Variants in PPARGC1A observed in about 807,000 individuals in gnomAD.
The protein encoded by PPARGC1A is peroxisome proliferator-activated receptor gamma coactivator 1-alpha.
Under a neutral mutation model 88.7 loss-of-function variants are expected in PPARGC1A, and 25 were observed. The observed-to-expected ratio is 0.28, with a 90% CI of 0.21 to 0.39. The LOEUF (loss-of-function observed/expected upper bound fraction) is 0.39. Ranked by LOEUF, PPARGC1A falls within the 10% of genes least tolerant of loss-of-function variation. The pLI is 1.00. For synonymous variants in PPARGC1A, 363 were observed against 355.6 expected (o/e 1.02, Z -0.24); for missense variants, 880 against 968.7 (o/e 0.91, Z 1.22).
chr4:23,899,884 C>A (rs1265395163), upstream of PPARGC1A, among the ~76,000 whole-genome samples: 1 of 152,112 alleles, frequency 6.6e-6, no homozygotes, highest in Non-Finnish European at 1.5e-5. Context: ...TGACAATTCA[C>A]TGAGCTAAAC....
the PPARGC1A span, among the ~76,000 whole-genome samples, chr4:24,097,133 G>T: frequency 6.6e-6 from 1 of 152,250 alleles, no homozygotes; most frequent in African/African-American, 2.4e-5. Context: ...AGACCGCATT[G>T]TAAGAATCGA....
At chr4:24,201,516 T>C in the PPARGC1A span, among the ~76,000 whole-genome samples, 1 of 152,246 alleles carries the variant, frequency 6.6e-6, no homozygotes, top group Non-Finnish European at 1.5e-5. Flanking sequence ...CAGCCAAGTT[T>C]GTCTTATGTT....
the PPARGC1A span, among the ~76,000 whole-genome samples, chr4:24,001,928 A>G: frequency 1.3e-5 from 2 of 152,146 alleles, no homozygotes; most frequent in South Asian, 2.1e-4. Flanking sequence ...AGTAAGAGAT[A>G]TAATCGGCCA....
the PPARGC1A span, among the ~76,000 whole-genome samples, chr4:24,110,433 G>T: frequency 6.6e-6 from 1 of 152,128 alleles, no homozygotes; most frequent in Non-Finnish European, 1.5e-5. Flanking sequence ...TTAATTTAGT[G>T]CTGTGGGACT....
chr4:23,879,798 A>G (rs576787267), intron 2 of PPARGC1A, among the ~76,000 whole-genome samples: 7 of 152,288 alleles, frequency 4.6e-5, no homozygotes, highest in African/African-American at 1.7e-4. Flanking sequence ...AAAATCTTCA[A>G]TGACATCCTA....
chr4:24,065,303 A>T, the PPARGC1A span, among the ~76,000 whole-genome samples: 1 of 152,106 alleles, frequency 6.6e-6, no homozygotes, highest in Non-Finnish European at 1.5e-5. Context: ...TGCAGGCATT[A>T]GCGGGTCCCT....
At chr4:24,335,854 G>A in the PPARGC1A span, among the ~76,000 whole-genome samples, 1 of 152,054 alleles carries the variant, frequency 6.6e-6, no homozygotes, top group African/African-American at 2.4e-5. Flanking sequence ...AGGCGGATAT[G>A]CCCATTTATT....
chr4:24,020,264 A>G, the PPARGC1A span, among the ~76,000 whole-genome samples: 1 of 152,204 alleles, frequency 6.6e-6, no homozygotes, highest in Non-Finnish European at 1.5e-5. Context: ...TTTCCTAAAT[A>G]ATCCTGTCAA....
the PPARGC1A span, among the ~76,000 whole-genome samples, chr4:23,913,541 G>A: frequency 6.6e-6 from 1 of 151,900 alleles, no homozygotes; most frequent in Non-Finnish European, 1.5e-5. Context: ...AACTTTCAAT[G>A]TGATTTCAAA....
At chr4:24,129,896 G>A in the PPARGC1A span, among the ~76,000 whole-genome samples, 1 of 151,796 alleles carries the variant, frequency 6.6e-6, no homozygotes, top group East Asian at 1.9e-4. Context: ...TATCGCCAAG[G>A]ACAAAAAAAC....
intron 2 of PPARGC1A, among the ~76,000 whole-genome samples, chr4:23,879,203 T>A (rs1294311815): frequency 6.6e-6 from 1 of 152,178 alleles, no homozygotes; most frequent in East Asian, 1.9e-4. Context: ...TTTTTTCTTG[T>A]CTATTTGTTT....
chr4:23,818,428 C>A (rs1231417449), intron 7 of PPARGC1A, among the ~76,000 whole-genome samples: 1 of 152,106 alleles, frequency 6.6e-6, no homozygotes, highest in Non-Finnish European at 1.5e-5. Flanking sequence ...CTGTGCAGAG[C>A]AACAAATGGC....
the PPARGC1A span, among the ~76,000 whole-genome samples, chr4:24,159,928 G>C: frequency 1.3e-5 from 2 of 152,210 alleles, no homozygotes; most frequent in African/African-American, 4.8e-5. Context: ...ACTCCCTGAT[G>C]AGCAAGAGAG....
At chr4:24,171,507 T>C in the PPARGC1A span, among the ~76,000 whole-genome samples, 3 of 152,126 alleles carry the variant, frequency 2.0e-5, no homozygotes, top group African/African-American at 7.2e-5. Flanking sequence ...ACGTACTATA[T>C]ATGGTCCTGA....
chr4:23,988,360 A>T, the PPARGC1A span, among the ~76,000 whole-genome samples: 1 of 152,222 alleles, frequency 6.6e-6, no homozygotes, highest in Non-Finnish European at 1.5e-5. Flanking sequence ...AGGAATCACC[A>T]CACTGTCTTC....
chr4:23,967,965 G>A, the PPARGC1A span, among the ~76,000 whole-genome samples: 2 of 152,296 alleles, frequency 1.3e-5, no homozygotes, highest in Non-Finnish European at 2.9e-5. Context: ...GAGTCCAAGA[G>A]GTGAAGGGAG....
the PPARGC1A span, among the ~76,000 whole-genome samples, chr4:23,973,117 C>T: frequency 1.3e-5 from 2 of 152,214 alleles, no homozygotes; most frequent in Non-Finnish European, 1.5e-5. Context: ...CCTATTGCTT[C>T]ACTCTCTCAC....
At chr4:23,847,655 C>T (rs1041346367) in intron 2 of PPARGC1A, among the ~76,000 whole-genome samples, 2 of 152,142 alleles carry the variant, frequency 1.3e-5, no homozygotes, top group African/African-American at 2.4e-5. Flanking sequence ...ATGCTTGATA[C>T]CCATTAAAAC....
At chr4:23,923,739 G>A in the PPARGC1A span, among the ~76,000 whole-genome samples, 1 of 152,180 alleles carries the variant, frequency 6.6e-6, no homozygotes, top group Non-Finnish European at 1.5e-5. Context: ...AGATGGAAAA[G>A]GAAGAGGGCA....
Sources: gnomAD v4.1 joint callset for allele counts (sites outside exome capture counted in the v4.1 genomes callset) on GRCh38, gnomAD v4.1.1 for gene constraint, MANE v1.5 for transcripts, NCBI Gene and HGNC (gene_info 2026-07-23, HGNC 2026-07-21) for gene names.